Variants in ZNF536 observed in about 807,000 individuals in gnomAD.
ZNF536 encodes the protein zinc finger protein 536.
A neutral mutation model predicts 84.5 loss-of-function variants in ZNF536; 13 were observed. The ratio of observed to expected loss-of-function variants is 0.15; its 90% confidence interval spans 0.10 to 0.24. ZNF536 has a LOEUF of 0.24. Ranked by LOEUF, ZNF536 falls within the 10% of genes least tolerant of loss-of-function variation. The probability of loss-of-function intolerance (pLI) is 1.00; values close to 1 mark genes in which losing one functional copy is unlikely to be tolerated. For missense variants in ZNF536, 1,536 were observed against 1,747.5 expected (o/e 0.88, Z 2.16); for synonymous variants, 811 against 742.5 (o/e 1.09, Z -1.50).
intron 1 of ZNF536, among the ~76,000 whole-genome samples, chr19:30,679,668 AAGGC>A (rs1275891530): frequency 6.6e-6 from 1 of 152,202 alleles, no homozygotes; most frequent in Non-Finnish European, 1.5e-5. Flanking sequence ...AGGAAGGTCA[AAGGC>A]AGGTGCGTGT....
rs79224645 is a variant in ZNF536, at chr19:30,602,737, G to C, written c.169+53223G>C. Among the ~76,000 whole-genome samples, 19 of 152,290 alleles carry C rather than the reference G, an allele frequency of 1.2e-4. No individual in the cohort carries two copies. In the East Asian group the frequency reaches 3.7e-3, roughly 29 times the overall value. ...GTGCTAGCTCAGTCTCAGATTGGGA[G>C]GATCCCAGGTGCCAGTATCCTGTCA... On this transcript the variant is annotated intron_variant, in intron 1 of 1. Coordinates refer to the ZNF536 transcript ENST00000592773.
At chr19:30,371,457 T>C (rs138719826), upstream of ZNF536, among the ~76,000 whole-genome samples, 1 of 152,304 alleles carries the variant, frequency 6.6e-6, no homozygotes, top group African/African-American at 2.4e-5. Flanking sequence ...TGTGAGTCCC[T>C]GGAGTTAGCC....
chr19:30,694,222 C>T (rs1024522381), intron 1 of ZNF536, among the ~76,000 whole-genome samples: 1 of 152,220 alleles, frequency 6.6e-6, no homozygotes, highest in African/African-American at 2.4e-5. Context: ...CCCCCTCCCA[C>T]ATTTAAGTTG....
intron 1 of ZNF536, among the ~76,000 whole-genome samples, chr19:30,612,391 A>T (rs938497754): frequency 2.6e-5 from 4 of 152,122 alleles, no homozygotes; most frequent in African/African-American, 9.7e-5. Context: ...GACTTGCCTG[A>T]CTTTGCGGGA....
At chr19:30,469,242 A>T (rs1257412168) in intron 2 of ZNF536, among the ~76,000 whole-genome samples, 1 of 152,136 alleles carries the variant, frequency 6.6e-6, no homozygotes, top group African/African-American at 2.4e-5. Flanking sequence ...GTGAAACCCC[A>T]TCTCTACTAA....
intron 3 of ZNF536, among the ~76,000 whole-genome samples, chr19:30,537,801 A>T (rs1224158713): frequency 6.6e-6 from 1 of 152,220 alleles, no homozygotes; most frequent in Non-Finnish European, 1.5e-5. Context: ...GGACAGAGGC[A>T]TTCTGGAAAC....
chr19:30,390,109 T>G (rs2049517158), intron 1 of ZNF536, among the ~76,000 whole-genome samples: 1 of 152,172 alleles, frequency 6.6e-6, no homozygotes, highest in African/African-American at 2.4e-5. Context: ...GGGAAGGTTT[T>G]ACTCCTTCCT....
At chr19:30,356,650 C>T (rs534736669) in intron 3 of ZNF536, among the ~76,000 whole-genome samples, 7 of 152,318 alleles carry the variant, frequency 4.6e-5, no homozygotes, top group Non-Finnish European at 8.8e-5. Context: ...TGAATGAGAT[C>T]GGTGTGTAAG....
At chr19:30,323,129 G>T (rs1215553077) in intron 2 of ZNF536, among the ~76,000 whole-genome samples, 1 of 152,082 alleles carries the variant, frequency 6.6e-6, no homozygotes, top group African/African-American at 2.4e-5. Context: ...CAGGGCCAGG[G>T]AGCTTCTAAA....
At chr19:30,296,119 C>A (rs1199640127) in intron 2 of ZNF536, 1 of 152,164 alleles carries the variant, frequency 6.6e-6, no homozygotes, top group Non-Finnish European at 1.5e-5. Context: ...TCTGTAGTGA[C>A]CTCATATAAT....
intron 1 of ZNF536, among the ~76,000 whole-genome samples, chr19:30,573,112 C>T (rs1299116613): frequency 6.6e-6 from 1 of 152,098 alleles, no homozygotes; most frequent in African/African-American, 2.4e-5. Context: ...TTTTGGAGGG[C>T]TTTTAGACCT....
chr19:30,413,883 A>G (rs912951765), intron 1 of ZNF536, among the ~76,000 whole-genome samples: 2 of 151,996 alleles, frequency 1.3e-5, no homozygotes, highest in Non-Finnish European at 2.9e-5. Flanking sequence ...TGAGGTCAGG[A>G]GTTCGAGACC....
intron 2 of ZNF536, among the ~76,000 whole-genome samples, chr19:30,475,056 A>G (rs536940206): frequency 5.3e-5 from 8 of 152,156 alleles, no homozygotes; most frequent in Non-Finnish European, 1.0e-4. Context: ...GCTTCAAGAT[A>G]ACCTTATTTT....
intron 1 of ZNF536, among the ~76,000 whole-genome samples, chr19:30,386,983 T>C (rs1483456339): frequency 6.6e-6 from 1 of 152,204 alleles, no homozygotes; most frequent in East Asian, 1.9e-4. Flanking sequence ...GATAACACAT[T>C]GACATCTGTG....
chr19:30,437,536 C>T (rs1421549975), intron 1 of ZNF536, among the ~76,000 whole-genome samples: 1 of 152,108 alleles, frequency 6.6e-6, no homozygotes, highest in Non-Finnish European at 1.5e-5. Context: ...GAAGCCTTCA[C>T]CCGGGGCCCC....
intron 1 of ZNF536, among the ~76,000 whole-genome samples, chr19:30,415,672 A>G (rs993269485): frequency 2.6e-5 from 4 of 151,976 alleles, no homozygotes; most frequent in African/African-American, 9.7e-5. Flanking sequence ...GTGCAGTGGC[A>G]TGATCTCGGC....
intron 2 of ZNF536, among the ~76,000 whole-genome samples, chr19:30,485,169 A>C (rs10409725): frequency 6.0e-5 from 9 of 150,460 alleles, no homozygotes; most frequent in East Asian, 3.9e-4. Flanking sequence ...TAAATAAATA[A>C]ATACATAAAT....
chr19:30,456,908 G>T (rs1452263974), intron 2 of ZNF536, among the ~76,000 whole-genome samples: 1 of 152,052 alleles, frequency 6.6e-6, no homozygotes, highest in Non-Finnish European at 1.5e-5. Flanking sequence ...TGGGCGTGGT[G>T]GTGGGCGCCT....
intron 2 of ZNF536, among the ~76,000 whole-genome samples, chr19:30,307,768 G>A (rs1008259650): frequency 1.3e-5 from 2 of 152,166 alleles, no homozygotes. Context: ...TTATTGGCTC[G>A]TGTTTATTGC....
Sources: gnomAD v4.1 joint callset for allele counts (sites outside exome capture counted in the v4.1 genomes callset) on GRCh38, gnomAD v4.1.1 for gene constraint, MANE v1.5 for transcripts, NCBI Gene and HGNC (gene_info 2026-07-23, HGNC 2026-07-21) for gene names.